Variants in YJU2B observed in about 807,000 individuals in gnomAD.
YJU2B encodes YJU2 splicing factor homolog B, also known as probable splicing factor YJU2B.
A neutral mutation model predicts 38.0 loss-of-function variants in YJU2B; 18 were observed. The observed-to-expected ratio is 0.47, with a 90% CI of 0.33 to 0.70. YJU2B has a LOEUF of 0.70. YJU2B is among the 30% of genes least tolerant of loss of function. YJU2B has a pLI of 0.02. For synonymous variants in YJU2B, 246 were observed against 225.4 expected (o/e 1.09, Z -0.82); for missense variants, 538 against 556.3 (o/e 0.97, Z 0.33).
intron 7 of YJU2B, 43 bp downstream of exon 7, chr19:13,759,053 G>A: frequency 6.2e-7 from 1 of 1,612,222 alleles, no homozygotes; most frequent in Non-Finnish European, 8.5e-7. Context: ...CTGGCCCTGA[G>A]TCTGCGCTGG....
chr19:13,762,404 CT>C lies in YJU2B; in HGVS notation c.680del (p.Leu227ArgfsTer5). On this transcript the variant is annotated frameshift_variant, in exon 9 of 10. Coordinates refer to ENST00000221554, the MANE Select transcript of YJU2B (RefSeq NM_030818.4). LOFTEE classifies it low-confidence loss of function (END_TRUNC). ...LVPETEDDRK[L>X]AALLKFHTLD... ...GCCCGAGACGGAAGATGACCGCAAGCTGGCGGCTCTGCTGAAGTTCCACACC... is the reference window on the plus strand; with the variant it reads ...GCCCGAGACGGAAGATGACCGCAAGCGGCGGCTCTGCTGAAGTTCCACACC... 6.2e-7 allele frequency: 1 copy of C among 1,613,556 alleles called. No homozygotes were observed. The highest frequency in any genetic ancestry group is 8.5e-7 in the Non-Finnish European group (1 of 1,180,006).
chr19:13,751,381 C>G (rs1317959516), intron 1 of YJU2B, among the ~76,000 whole-genome samples: 2 of 152,150 alleles, frequency 1.3e-5, no homozygotes, highest in Non-Finnish European at 2.9e-5. Flanking sequence ...CGCCACTGCA[C>G]TCCAGCCTGG....
Position 13,759,287 on chromosome 19 carries a change from A to C in YJU2B, c.573+15A>C. The C allele has an allele frequency of 6.3e-7, 1 of 1,591,204 alleles. No individual in the cohort carries two copies. The highest frequency in any genetic ancestry group is 8.6e-7 in the Non-Finnish European group (1 of 1,167,654). On this transcript the variant is annotated intron_variant, in intron 8 of 9. Coordinates refer to ENST00000221554, the MANE Select transcript of YJU2B (RefSeq NM_030818.4). Reference sequence around the variant, plus strand: ...GAAGGTTCCGGGTGAGGGGGGCTCCAGCCCGGGGTCAGAGAGGATGCATGG... The same window carrying C: ...GAAGGTTCCGGGTGAGGGGGGCTCCCGCCCGGGGTCAGAGAGGATGCATGG...
chr19:13,739,508 A>C (rs1210938317), intron 2 of YJU2B, among the ~76,000 whole-genome samples: 1 of 152,098 alleles, frequency 6.6e-6, no homozygotes, highest in Non-Finnish European at 1.5e-5. Flanking sequence ...AGCTATGGCA[A>C]ACACTCCCTC....
intron 3 of YJU2B, among the ~76,000 whole-genome samples, chr19:13,755,459 C>CAAAA (rs35675919): frequency 8.7e-6 from 1 of 114,992 alleles, no homozygotes; most frequent in African/African-American, 3.0e-5. Flanking sequence ...GACTCTGTCT[C>CAAAA]AAAAAAAAAA....
At chr19:13,742,342 G>A (rs1238860126) in intron 2 of YJU2B, among the ~76,000 whole-genome samples, 3 of 123,976 alleles carry the variant, frequency 2.4e-5, no homozygotes, top group East Asian at 2.4e-4. Context: ...TCTCACTGTC[G>A]CCAGCGCTGG....
chr19:13,734,435 G>A (rs1204927389), intron 2 of YJU2B, among the ~76,000 whole-genome samples: 2 of 151,776 alleles, frequency 1.3e-5, no homozygotes, highest in Non-Finnish European at 2.9e-5. Context: ...GGATTACAGG[G>A]ACACACCACC....
rs1568295613 is a variant in YJU2B, at chr19:13,758,856, GCTCC to G, written c.258-6_258-3del. The G allele has an allele frequency of 1.2e-6, 2 of 1,613,490 alleles. No individual in the cohort carries two copies. Among genetic ancestry groups the G allele is most frequent in the Admixed American group, 1.7e-5 (1 of 59,900 alleles). The stretch of plus-strand genomic sequence containing the variant: ...CACAGCCTCCTGACTCCTGCCCACC[GCTCC>G]CTCCCAGGTTCCGGATGAAATGCCA... On this transcript the variant is annotated splice_polypyrimidine_tract_variant and splice_region_variant and intron_variant, in intron 6 of 9. Coordinates refer to ENST00000221554, the MANE Select transcript of YJU2B (RefSeq NM_030818.4).
intron 4 of YJU2B, 133 bp from the exon 5 acceptor site, chr19:13,757,285 G>T: frequency 3.0e-6 from 2 of 656,882 alleles, no homozygotes; most frequent in Non-Finnish European, 2.8e-6. Flanking sequence ...TAATGTGAGT[G>T]CAGCAACTCC....
In YJU2B at chr19:13,751,615, G is replaced by T. The variant is rs367968958; in HGVS notation, c.-194G>T. On this transcript the variant is annotated 5_prime_UTR_variant, in exon 2 of 10. Transcript: ENST00000221554. ...CTCTCTCTTTCTAAACAGACACGCCGCTTTTTGGATGCCTCCTATGCCTGG... is the reference window on the plus strand; with the variant it reads ...CTCTCTCTTTCTAAACAGACACGCCTCTTTTTGGATGCCTCCTATGCCTGG... The T allele has an allele frequency of 3.3e-6, 2 of 598,594 alleles. No homozygotes were observed. Among genetic ancestry groups the T allele is most frequent in the Non-Finnish European group, 6.1e-6 (2 of 327,152 alleles). The allele number at this position is 598,594 out of a possible 1,614,324, so 37.1% of individuals were successfully genotyped here. A position where few individuals can be genotyped will look rare whatever the true frequency, so the allele number is the denominator to read the frequency against.
At position 13,755,277 on chromosome 19, in the gene YJU2B, A is replaced by G. The variant is rs79707925; in HGVS notation, c.58-920A>G. On this transcript the variant is annotated intron_variant, in intron 3 of 9. Transcript: ENST00000221554. The stretch of plus-strand genomic sequence containing the variant: ...AGAGTTTAAGACCATCCTGGCCAAC[A>G]TGGTGAAACTTGATCTCTACTAAAA... Among the ~76,000 whole-genome samples, 268 of 152,066 alleles carry G rather than the reference A, an allele frequency of 1.8e-3. 6 individuals carry two copies. The East Asian group carries it at 0.033, about 19-fold the overall frequency.
rs1473484962 is a variant in YJU2B at position 13,763,070 on chromosome 19, C to T, written c.*2C>T. On this transcript the variant is annotated 3_prime_UTR_variant, in exon 10 of 10. Coordinates refer to ENST00000221554, the MANE Select transcript of YJU2B (RefSeq NM_030818.4). ...TACTCCGACTCGGAGAGTGAGTGAG[C>T]GATCCCCATCCTGGAGACTGGACCC... The T allele has an allele frequency of 6.5e-7, 1 of 1,541,042 alleles. No individual in the cohort carries two copies.
intron 1 of YJU2B, among the ~76,000 whole-genome samples, chr19:13,750,417 G>C (rs1168121880): frequency 6.6e-6 from 1 of 152,066 alleles, no homozygotes; most frequent in Non-Finnish European, 1.5e-5. Context: ...AGTAGAGATG[G>C]GGTTTCACCA....
At chr19:13,759,948 C>G (rs1469752654) in intron 8 of YJU2B, among the ~76,000 whole-genome samples, 4 of 152,106 alleles carry the variant, frequency 2.6e-5, no homozygotes, top group Non-Finnish European at 5.9e-5. Flanking sequence ...TAGGCATGCA[C>G]CATCACGCAC....
chr19:13,736,107 C>T (rs1309491551), intron 2 of YJU2B, among the ~76,000 whole-genome samples: 1 of 151,668 alleles, frequency 6.6e-6, no homozygotes, highest in African/African-American at 2.4e-5. Flanking sequence ...TTAGGAGTAT[C>T]CCAAGTCTGG....
chr19:13,762,722 C>G lies in YJU2B; in HGVS notation c.845C>G (p.Ala282Gly). 6.2e-7 allele frequency: 1 copy of G among 1,607,904 alleles called. No individual in the cohort carries two copies. Among genetic ancestry groups the G allele is most frequent in the South Asian group, 1.1e-5 (1 of 90,964 alleles). The change falls in exon 10 of 10, where the codon GCG becomes GGG. Residue 282 changes from alanine to glycine, a missense_variant. Physicochemically the swap from Ala to Gly is moderately conservative, Grantham distance 60. Coordinates refer to ENST00000221554, the MANE Select transcript of YJU2B (RefSeq NM_030818.4). ...LKKLAQSRRT[A>G]LATSPITVGD... ...AAGCTGGCACAGAGCCGCAGAACCGCGCTTGCCACCTCCCCCATCACCGTC... is the reference window on the plus strand; with the variant it reads ...AAGCTGGCACAGAGCCGCAGAACCGGGCTTGCCACCTCCCCCATCACCGTC...
upstream of YJU2B, chr19:13,747,832 G>C (rs1973300077): frequency 6.6e-6 from 1 of 152,314 alleles, no homozygotes; most frequent in South Asian, 2.1e-4. Context: ...AATCAGCGTG[G>C]AGCTGCTGCC....
At chr19:13,739,101 G>A (rs1973029813) in intron 2 of YJU2B, among the ~76,000 whole-genome samples, 1 of 152,044 alleles carries the variant, frequency 6.6e-6, no homozygotes, top group African/African-American at 2.4e-5. Flanking sequence ...ATGGATTTAT[G>A]GTTATTTATA....
rs370713091 is a variant in YJU2B, at chr19:13,758,916, G to A, written c.306G>A (p.Thr102=). ...HLCVNYIEMQ[T]DPANCDYVIV... ...GTGTCAACTACATCGAGATGCAGAC[G>A]GACCCCGCCAACTGCGACTACGTGA... Residue 102 remains threonine (T), a synonymous_variant, in exon 7 of 10, where the codon ACG becomes ACA. Coordinates refer to ENST00000221554, the MANE Select transcript of YJU2B (RefSeq NM_030818.4). 43 of 1,613,798 alleles carry A rather than the reference G, an allele frequency of 2.7e-5. No homozygotes were observed. Among genetic ancestry groups the A allele is most frequent in the African/African-American group, 2.1e-4 (16 of 74,930 alleles).
Sources: gnomAD v4.1 joint callset for allele counts (sites outside exome capture counted in the v4.1 genomes callset) on GRCh38, gnomAD v4.1.1 for gene constraint, MANE v1.5 for transcripts, NCBI Gene and HGNC (gene_info 2026-07-23, HGNC 2026-07-21) for gene names.